Variants in ZNF804B observed in about 807,000 individuals in gnomAD.
The protein encoded by ZNF804B is zinc finger 804B.
ZNF804B carries 80 observed loss-of-function variants against 101.4 expected under a neutral mutation model. The ratio of observed to expected loss-of-function variants is 0.79; its 90% CI spans 0.66 to 0.95. ZNF804B has a LOEUF of 0.95. Ranked by LOEUF, ZNF804B falls within the 40% of genes least tolerant of loss-of-function variation. The probability of loss-of-function intolerance (pLI) is 0.00; values close to 1 mark genes in which losing one functional copy is unlikely to be tolerated. For missense variants in ZNF804B, 1,673 were observed against 1,561.9 expected (o/e 1.07, Z -1.20); for synonymous variants, 622 against 558.8 (o/e 1.11, Z -1.59).
At chr7:88,856,460 T>C (rs1320665413) in intron 1 of ZNF804B, among the ~76,000 whole-genome samples, 1 of 152,158 alleles carries the variant, frequency 6.6e-6, no homozygotes, top group African/African-American at 2.4e-5. Context: ...TGATTTTGTA[T>C]CCTGAGACTT....
At chr7:89,220,148 T>TATACGC (rs1788980219) in intron 2 of ZNF804B, among the ~76,000 whole-genome samples, 4 of 90,128 alleles carry the variant, frequency 4.4e-5, no homozygotes, top group Admixed American at 1.1e-4. Flanking sequence ...TGTGTGTATA[T>TATACGC]ACATATATAT....
intron 1 of ZNF804B, among the ~76,000 whole-genome samples, chr7:88,994,475 A>C (rs1793892015): frequency 6.6e-6 from 1 of 152,058 alleles, no homozygotes; most frequent in Admixed American, 6.6e-5. Flanking sequence ...CAAATGCCAA[A>C]AACTGATGAA....
intron 1 of ZNF804B, among the ~76,000 whole-genome samples, chr7:89,159,710 T>A (rs1356072824): frequency 6.6e-6 from 1 of 152,162 alleles, no homozygotes; most frequent in Non-Finnish European, 1.5e-5. Context: ...AGAATTTTGC[T>A]CACCAATTTG....
intron 1 of ZNF804B, among the ~76,000 whole-genome samples, chr7:88,846,278 C>G (rs1791372144): frequency 6.6e-6 from 1 of 151,990 alleles, no homozygotes; most frequent in Admixed American, 6.6e-5. Flanking sequence ...CTGGTAGGTA[C>G]TAGATATGCT....
At chr7:89,080,623 T>C (rs1045486092) in intron 1 of ZNF804B, among the ~76,000 whole-genome samples, 2 of 151,930 alleles carry the variant, frequency 1.3e-5, no homozygotes, top group African/African-American at 4.8e-5. Context: ...AGGCGTCTCA[T>C]CCAGTCACTT....
rs1584075224 is a variant in ZNF804B at position 89,017,016 on chromosome 7, C to T, written c.109-201139C>T. On this transcript the variant is annotated intron_variant, in intron 1 of 3. Transcript: ENST00000333190. Reference sequence around the variant, plus strand: ...TTGTGTCCTCTTTTATTTCATTGAGCTGTGGTTTGTAGTTCTCCTTGAAGA... The same window carrying T: ...TTGTGTCCTCTTTTATTTCATTGAGTTGTGGTTTGTAGTTCTCCTTGAAGA... 2.0e-5 allele frequency among the ~76,000 whole-genome samples: 3 copies of T among 152,080 alleles called. No individual in the cohort carries two copies. In the East Asian group the frequency reaches 5.8e-4, roughly 29 times the overall value.
chr7:89,010,847 C>T (rs761524602), intron 1 of ZNF804B, among the ~76,000 whole-genome samples: 4 of 152,166 alleles, frequency 2.6e-5, no homozygotes, highest in Non-Finnish European at 5.9e-5. Flanking sequence ...GAACATGTTT[C>T]TCCTATAAAA....
At chr7:88,770,415 ACTT>A (rs2057145348) in intron 1 of ZNF804B, among the ~76,000 whole-genome samples, 1 of 152,192 alleles carries the variant, frequency 6.6e-6, no homozygotes. Flanking sequence ...AATGCAAGTG[ACTT>A]CTTGAATCTG....
At chr7:89,046,187 C>T (rs901027736) in intron 1 of ZNF804B, among the ~76,000 whole-genome samples, 1 of 151,800 alleles carries the variant, frequency 6.6e-6, no homozygotes, top group African/African-American at 2.4e-5. Context: ...CCTCTTTTCA[C>T]CATGATTGTA....
chr7:89,114,127 A>G lies in ZNF804B; in HGVS notation c.109-104028A>G, dbSNP rs191168038. ...AAAGAAAAAAATATAAATTATTAGT[A>G]TCTAATAATCACTTGGATACTAATC... On this transcript the variant is annotated intron_variant, in intron 1 of 3. Coordinates refer to ENST00000333190, the MANE Select transcript of ZNF804B (RefSeq NM_181646.5). Among the ~76,000 whole-genome samples, 70 of 152,364 alleles carry G rather than the reference A, an allele frequency of 4.6e-4. No homozygotes were observed. The East Asian group carries it at 0.012, about 25-fold the overall frequency.
intron 2 of ZNF804B, among the ~76,000 whole-genome samples, chr7:89,232,755 A>G (rs919697196): frequency 7.2e-5 from 11 of 151,970 alleles, no homozygotes; most frequent in Non-Finnish European, 1.2e-4. Flanking sequence ...TGTCTTCTCT[A>G]TTTTTCTCAG....
rs1191120412 is a variant in ZNF804B at position 89,336,259 on chromosome 7, G to GA, written c.3279dup (p.Asp1094ArgfsTer26). ...TGTGACTGATTCAACAGAGACCCAA[G>GA]AAGACCAAATAAATCTAGACTTACA... On this transcript the variant is annotated frameshift_variant, in exon 4 of 4. Coordinates refer to ENST00000333190, the MANE Select transcript of ZNF804B (RefSeq NM_181646.5). LOFTEE classifies it high-confidence loss of function. 6.2e-7 allele frequency: 1 copy of GA among 1,613,798 alleles called. No homozygotes were observed. The highest frequency in any genetic ancestry group is 8.5e-7 in the Non-Finnish European group (1 of 1,179,964).
chr7:88,972,134 T>C (rs749833129), intron 1 of ZNF804B, among the ~76,000 whole-genome samples: 6 of 151,560 alleles, frequency 4.0e-5, no homozygotes, highest in Non-Finnish European at 8.9e-5. Flanking sequence ...TGCTAAGAGA[T>C]GACATTGAGC....
intron 1 of ZNF804B, among the ~76,000 whole-genome samples, chr7:89,138,310 C>T (rs987587679): frequency 5.9e-5 from 9 of 152,000 alleles, no homozygotes; most frequent in Admixed American, 2.0e-4. Flanking sequence ...CAGCTTGCAC[C>T]GTGTGACCTC....
chr7:89,213,861 G>T (rs549272803), intron 1 of ZNF804B, among the ~76,000 whole-genome samples: 1 of 152,326 alleles, frequency 6.6e-6, no homozygotes, highest in East Asian at 1.9e-4. Flanking sequence ...TGAAGATTAA[G>T]TGGGTGAACA....
At chr7:88,951,301 C>T (rs960553915) in intron 1 of ZNF804B, among the ~76,000 whole-genome samples, 11 of 151,866 alleles carry the variant, frequency 7.2e-5, no homozygotes, top group Non-Finnish European at 1.3e-4. Context: ...TAGGTATGCA[C>T]TTGCAGACAT....
chr7:88,771,252 T>C (rs1353833227), intron 1 of ZNF804B, among the ~76,000 whole-genome samples: 1 of 152,130 alleles, frequency 6.6e-6, no homozygotes, highest in Non-Finnish European at 1.5e-5. Context: ...TTAAATAAAA[T>C]GTGATGTATG....
At chr7:89,230,073 A>G (rs1467524070) in intron 2 of ZNF804B, among the ~76,000 whole-genome samples, 5 of 152,132 alleles carry the variant, frequency 3.3e-5, no homozygotes, top group Non-Finnish European at 5.9e-5. Flanking sequence ...TGTTATATTG[A>G]AAAAAGAAAT....
chr7:89,214,287 AT>A (rs574603956), intron 1 of ZNF804B, among the ~76,000 whole-genome samples: 9 of 151,970 alleles, frequency 5.9e-5, no homozygotes, highest in Admixed American at 5.9e-4. Context: ...TATGTCATAC[AT>A]TTTTTTTCTG....
Sources: allele counts gnomAD v4.1 joint callset (sites outside exome capture counted in the v4.1 genomes callset), GRCh38; gene constraint gnomAD v4.1.1; transcripts MANE v1.5; gene names NCBI Gene and HGNC (gene_info 2026-07-23, HGNC 2026-07-21).